SHISAL1: variants seen among roughly 807,000 people sequenced by gnomAD.
The protein encoded by SHISAL1 is protein shisa-like-1.
SHISAL1 carries 9 observed loss-of-function variants against 22.6 expected under a neutral mutation model. The ratio of observed to expected loss-of-function variants is 0.40; its 90% confidence interval spans 0.24 to 0.70. The LOEUF (loss-of-function observed/expected upper bound fraction) is 0.70, where lower values mean the gene tolerates loss of function less well. Among genes scored for constraint, SHISAL1 ranks in the 30% least tolerant of loss-of-function variants. The pLI is 0.39. For missense variants in SHISAL1, 246 were observed against 270.6 expected (o/e 0.91, Z 0.64); for synonymous variants, 119 against 115.4 (o/e 1.03, Z -0.20).
At chr22:44,295,157 G>T (rs2055377048) in intron 3 of SHISAL1, among the ~76,000 whole-genome samples, 1 of 151,960 alleles carries the variant, frequency 6.6e-6, no homozygotes, top group Non-Finnish European at 1.5e-5. Context: ...AGTCACAGTG[G>T]TTAACACAGT....
chr22:44,280,861 A>G (rs2147287109), intron 4 of SHISAL1, among the ~76,000 whole-genome samples: 1 of 152,210 alleles, frequency 6.6e-6, no homozygotes, highest in Admixed American at 6.5e-5. Context: ...TGGCGGGGCC[A>G]GGTGGGTGTG....
chr22:44,286,577 G>T (rs998984818), intron 3 of SHISAL1, among the ~76,000 whole-genome samples: 2 of 152,070 alleles, frequency 1.3e-5, no homozygotes, highest in Admixed American at 6.5e-5. Flanking sequence ...CCTCCCACCG[G>T]CCCTTTGTCG....
At chr22:44,256,696 T>C (rs766712965) in intron 4 of SHISAL1, among the ~76,000 whole-genome samples, 2 of 152,182 alleles carry the variant, frequency 1.3e-5, no homozygotes, top group Non-Finnish European at 2.9e-5. Flanking sequence ...AGCAGGCTTG[T>C]TGCTGCTTTT....
rs189188069 is a variant in SHISAL1 at position 44,253,189 on chromosome 22, A to G, written c.*-3504T>C. ...AAAAGGATGAACAGAAGCATAACAA[A>G]CAAATGCAAATGAAGATAAATCAGG... On this transcript the variant is annotated intron_variant, in intron 4 of 4. Coordinates refer to ENST00000381176, the MANE Select transcript of SHISAL1 (RefSeq NM_001099294.2). Among the ~76,000 whole-genome samples, 803 of 152,256 alleles carry G rather than the reference A, an allele frequency of 5.3e-3. 5 individuals carry two copies. The highest frequency in any genetic ancestry group is 7.0e-3 in the Non-Finnish European group (474 of 68,024).
chr22:44,303,269 C>T (rs1169048129), intron 1 of SHISAL1, among the ~76,000 whole-genome samples: 6 of 152,022 alleles, frequency 3.9e-5, no homozygotes, highest in Admixed American at 3.9e-4. Context: ...TGTGTTCCCC[C>T]CAAATTCACA....
intron 4 of SHISAL1, among the ~76,000 whole-genome samples, chr22:44,278,645 G>C (rs1385586552): frequency 6.6e-6 from 1 of 152,156 alleles, no homozygotes; most frequent in Non-Finnish European, 1.5e-5. Context: ...TGAACCTTTG[G>C]GGGTACAGAG....
intron 4 of SHISAL1, among the ~76,000 whole-genome samples, chr22:44,254,634 T>C (rs932688186): frequency 6.6e-6 from 1 of 152,168 alleles, no homozygotes; most frequent in Non-Finnish European, 1.5e-5. Context: ...AATGCTGGAA[T>C]TACAGGCATT....
rs367850383 is a variant in SHISAL1 at position 44,278,612 on chromosome 22, C to T, written c.599+6816G>A. 2.2e-4 allele frequency among the ~76,000 whole-genome samples: 34 copies of T among 152,312 alleles called. No homozygotes were observed. The East Asian group carries it at 5.6e-3, about 25-fold the overall frequency. On this transcript the variant is annotated intron_variant, in intron 4 of 4. Coordinates refer to ENST00000381176, the MANE Select transcript of SHISAL1 (RefSeq NM_001099294.2). ...GTGCTGGCTCCGGGTGAACGGGCCT[C>T]TCCACGCATCTTAATGCCCCCCTGA...
chr22:44,326,842 G>A, the SHISAL1 span, among the ~76,000 whole-genome samples: 1 of 152,036 alleles, frequency 6.6e-6, no homozygotes, highest in East Asian at 1.9e-4. Context: ...GGCAGGGAGC[G>A]ATTCTGAAGC....
At position 44,248,546 on chromosome 22, in the gene SHISAL1, G is replaced by C. The variant is rs369816196; in HGVS notation, c.*1139C>G. Reference sequence around the variant, plus strand: ...TTGAAAGTGGATGGATTTCTAGAACGCTCCTGCCTGGGTTTCCATGGCCTT... The same window carrying C: ...TTGAAAGTGGATGGATTTCTAGAACCCTCCTGCCTGGGTTTCCATGGCCTT... On this transcript the variant is annotated 3_prime_UTR_variant, in exon 5 of 5. Coordinates refer to ENST00000381176, the MANE Select transcript of SHISAL1 (RefSeq NM_001099294.2). 10 of 152,296 alleles carry C rather than the reference G, an allele frequency of 6.6e-5. 1 individual carries two copies. The highest frequency in any genetic ancestry group is 3.9e-4 in the Admixed American group (6 of 15,294). The allele number at this position is 152,296 out of a possible 1,614,324, so 9.4% of individuals were successfully genotyped here.
chr22:44,303,415 T>C (rs968151633), intron 1 of SHISAL1, among the ~76,000 whole-genome samples: 4 of 152,018 alleles, frequency 2.6e-5, no homozygotes, highest in Non-Finnish European at 4.4e-5. Context: ...TGGTGTTTTT[T>C]ATAAAAAGGG....
chr22:44,331,065 T>A, the SHISAL1 span, among the ~76,000 whole-genome samples: 1 of 152,012 alleles, frequency 6.6e-6, no homozygotes, highest in Non-Finnish European at 1.5e-5. The surrounding 1 kb of genome is among the most constrained non-coding windows in gnomAD (Gnocchi z 5.2). Flanking sequence ...AGTCCCCCCC[T>A]TGGACGCGGA....
chr22:44,266,758 C>T (rs1162655101), intron 4 of SHISAL1, among the ~76,000 whole-genome samples: 1 of 152,040 alleles, frequency 6.6e-6, no homozygotes, highest in African/African-American at 2.4e-5. Flanking sequence ...GGGAAATGGC[C>T]GTGCTCTGCA....
chr22:44,326,044 C>T, the SHISAL1 span, among the ~76,000 whole-genome samples: 4 of 151,998 alleles, frequency 2.6e-5, no homozygotes, highest in East Asian at 1.9e-4. Flanking sequence ...CGCCCCTCCT[C>T]GCCCCAGAAC....
At chr22:44,254,310 A>C (rs2055069790) in intron 4 of SHISAL1, among the ~76,000 whole-genome samples, 1 of 152,256 alleles carries the variant, frequency 6.6e-6, no homozygotes, top group South Asian at 2.1e-4. Flanking sequence ...TGGAGTTAAC[A>C]GCAAAAGAAA....
chr22:44,311,045 C>T (rs1024924803), intron 1 of SHISAL1, among the ~76,000 whole-genome samples: 2 of 152,160 alleles, frequency 1.3e-5, no homozygotes, highest in Non-Finnish European at 2.9e-5. Flanking sequence ...TCAACTGAGA[C>T]ATGGCCTCAA....
At chr22:44,322,181 T>G in the SHISAL1 span, among the ~76,000 whole-genome samples, 4 of 152,240 alleles carry the variant, frequency 2.6e-5, no homozygotes, top group African/African-American at 9.6e-5. Context: ...CTAGTGAGAA[T>G]GGCAACCTGT....
rs1029824879 is a variant in SHISAL1 at position 44,264,531 on chromosome 22, TG to T, written c.*-14847del. 1.3e-4 allele frequency among the ~76,000 whole-genome samples: 19 copies of T among 150,882 alleles called. 1 individual carries two copies. Among genetic ancestry groups the T allele is most frequent in the African/African-American group, 3.4e-4 (14 of 41,494 alleles). ...TTGCAGGGTCCAATGTGCAGGGGTT[TG>T]GGGCACAGGTGGGGTGTCCTGACGG... On this transcript the variant is annotated intron_variant, in intron 4 of 4. Transcript: ENST00000381176.
At position 44,288,605 on chromosome 22, in the gene SHISAL1, C is replaced by T. The variant is rs1203320801; in HGVS notation, c.282-2860G>A. Among the ~76,000 whole-genome samples the T allele has an allele frequency of 3.9e-5, 6 of 152,348 alleles. No homozygotes were observed. The East Asian group carries it at 1.2e-3, about 29-fold the overall frequency. On this transcript the variant is annotated intron_variant, in intron 3 of 4. Coordinates refer to ENST00000381176, the MANE Select transcript of SHISAL1 (RefSeq NM_001099294.2). ...GCAGTAAGCTGAGATTGCGCCACTG[C>T]ACCCCAGCCTGGGTGACAGAGCGAG...
Sources: allele counts gnomAD v4.1 joint callset (sites outside exome capture counted in the v4.1 genomes callset), GRCh38; gene constraint gnomAD v4.1.1; non-coding constraint Gnocchi (gnomAD v3.1); transcripts MANE v1.5; gene names NCBI Gene and HGNC (gene_info 2026-07-23, HGNC 2026-07-21).